The following TRAPPC8 variants were observed in gnomAD, a reference collection of about 807,000 sequenced individuals.
TRAPPC8 encodes the protein trafficking protein particle complex subunit 8.
Under a neutral mutation model 174.3 loss-of-function variants are expected in TRAPPC8, and 54 were observed. The ratio of observed to expected loss-of-function variants is 0.31; its 90% CI spans 0.25 to 0.39. TRAPPC8 has a LOEUF of 0.39. Ranked by LOEUF, TRAPPC8 falls within the 10% of genes least tolerant of loss-of-function variation. TRAPPC8 has a pLI of 1.00. For missense variants in TRAPPC8, 1,531 were observed against 1,699.1 expected (o/e 0.90, Z 1.74); for synonymous variants, 630 against 579.9 (o/e 1.09, Z -1.24).
At chr18:31,878,216 G>T (rs536596833) in intron 12 of TRAPPC8, among the ~76,000 whole-genome samples, 1 of 152,256 alleles carries the variant, frequency 6.6e-6, no homozygotes, top group South Asian at 2.1e-4. Context: ...CTCAGGATGA[G>T]CAACTGGTGC....
chr18:31,928,336 TACACAC>T (rs34570497), intron 2 of TRAPPC8, among the ~76,000 whole-genome samples: 5,343 of 142,930 alleles, frequency 0.037, 190 homozygotes, highest in African/African-American at 0.094. Flanking sequence ...ACCTTATCTC[TACACAC>T]ACACACACAC....
intron 26 of TRAPPC8, among the ~76,000 whole-genome samples, chr18:31,843,782 C>A (rs116022073): frequency 3.9e-5 from 6 of 152,114 alleles, no homozygotes; most frequent in Non-Finnish European, 8.8e-5. Flanking sequence ...GGGGGATAGA[C>A]GGAACAATGT....
Position 31,870,430 on chromosome 18 carries a change from A to T in TRAPPC8, c.2330T>A (p.Leu777His). ...GAAATCTTTAGGATGAAACTTCCAA[A>T]GCAATGACAAATCAGTCAACAAAAG... Reference protein sequence around the residue: ...VLLLLTDLSLLWKFHPKDFSG... With the variant: ...VLLLLTDLSLHWKFHPKDFSG... Residue 777 changes from leucine (L) to histidine (H), a missense_variant, in exon 16 of 29, where the codon CTT becomes CAT. By Grantham distance (99) the Leu-to-His change is moderately conservative. Transcript: ENST00000283351. 6.2e-7 allele frequency: 1 copy of T among 1,613,408 alleles called. No homozygotes were observed. Among genetic ancestry groups the T allele is most frequent in the Non-Finnish European group, 8.5e-7 (1 of 1,179,628 alleles).
chr18:31,871,077 A>G lies in TRAPPC8; in HGVS notation c.2106T>C (p.Tyr702=), dbSNP rs1240849930. ...GCCACTGCTGAGAGGATTCAGAATCATATTCTTGATCAAGACTTACATGAG... is the reference window on the plus strand; with the variant it reads ...GCCACTGCTGAGAGGATTCAGAATCGTATTCTTGATCAAGACTTACATGAG... ...AATHVSLDQE[Y]DSESSQQWRE... is the part of the protein sequence containing the mutation. The change falls in exon 15 of 29, where the codon TAT becomes TAC. Residue 702 remains tyrosine (Y), a synonymous_variant. Coordinates refer to ENST00000283351, the MANE Select transcript of TRAPPC8 (RefSeq NM_014939.5). 6.3e-7 allele frequency: 1 copy of G among 1,599,340 alleles called. No individual in the cohort carries two copies. Among genetic ancestry groups the G allele is most frequent in the Non-Finnish European group, 8.5e-7 (1 of 1,171,152 alleles).
In TRAPPC8 at chr18:31,875,085, A is replaced by C. The variant is rs571565772; in HGVS notation, c.1729-381T>G. 2.6e-5 allele frequency among the ~76,000 whole-genome samples: 4 copies of C among 152,314 alleles called. No homozygotes were observed. The South Asian group carries it at 8.3e-4, about 32-fold the overall frequency. On this transcript the variant is annotated intron_variant, in intron 12 of 28. Coordinates refer to ENST00000283351, the MANE Select transcript of TRAPPC8 (RefSeq NM_014939.5). ...CTTAAATTCTTTCTGGAAAAAGGCA[A>C]GGGATATGTAAACAAACTTCAACAT...
intron 24 of TRAPPC8, 60 bp from the exon 25 acceptor site, chr18:31,849,799 T>G: frequency 6.8e-7 from 1 of 1,461,730 alleles, no homozygotes; most frequent in East Asian, 2.4e-5. Context: ...CAAAATTTAT[T>G]TTGTATAACT....
chr18:31,885,504 T>A (rs1246199727), intron 12 of TRAPPC8, among the ~76,000 whole-genome samples: 2 of 132,416 alleles, frequency 1.5e-5, no homozygotes, highest in Non-Finnish European at 3.4e-5. Context: ...TCAATGCCAA[T>A]TTTTTTTTAC....
At chr18:31,882,647 C>T (rs574680265) in intron 12 of TRAPPC8, among the ~76,000 whole-genome samples, 15 of 151,964 alleles carry the variant, frequency 9.9e-5, no homozygotes, top group African/African-American at 3.6e-4. Flanking sequence ...GACAGAGTCT[C>T]GCTCTGTCGC....
intron 12 of TRAPPC8, among the ~76,000 whole-genome samples, chr18:31,880,627 T>C (rs1428214635): frequency 6.6e-6 from 1 of 152,042 alleles, no homozygotes; most frequent in Non-Finnish European, 1.5e-5. Context: ...CCACTTCTAT[T>C]CAACATAGTA....
intron 11 of TRAPPC8, among the ~76,000 whole-genome samples, chr18:31,892,041 A>G (rs1049163799): frequency 6.6e-6 from 1 of 152,372 alleles, no homozygotes; most frequent in East Asian, 1.9e-4. Context: ...TGGTTCTTAA[A>G]AACGGGTTTG....
chr18:31,939,633 T>G (rs2038245992), intron 1 of TRAPPC8: 1 of 152,138 alleles, frequency 6.6e-6, no homozygotes, highest in South Asian at 2.1e-4. Context: ...ACTCCTTCAC[T>G]AGGCTGGACG....
At chr18:31,841,281 T>C (rs1375856622) in intron 26 of TRAPPC8, among the ~76,000 whole-genome samples, 1 of 152,150 alleles carries the variant, frequency 6.6e-6, no homozygotes, top group Admixed American at 6.5e-5. Flanking sequence ...TATATTTGTT[T>C]TTTTTGTTTT....
intron 2 of TRAPPC8, among the ~76,000 whole-genome samples, chr18:31,923,498 C>T (rs1370503368): frequency 6.6e-6 from 1 of 152,020 alleles, no homozygotes; most frequent in African/African-American, 2.4e-5. Context: ...ATTTCTTTAA[C>T]AGAATGAATG....
intron 19 of TRAPPC8, among the ~76,000 whole-genome samples, chr18:31,860,015 CAA>C (rs34008216): frequency 1.4e-5 from 2 of 137,998 alleles, no homozygotes; most frequent in Non-Finnish European, 1.6e-5. Flanking sequence ...GACTCCGTCT[CAA>C]AAAAAAAAAA....
At chr18:31,912,687 T>A (rs1258151695) in intron 5 of TRAPPC8, among the ~76,000 whole-genome samples, 2 of 150,422 alleles carry the variant, frequency 1.3e-5, no homozygotes, top group African/African-American at 4.9e-5. Flanking sequence ...AAAAGAAAAA[T>A]GTAGGGAGCA....
chr18:31,916,900 T>C (rs952580921), intron 3 of TRAPPC8, among the ~76,000 whole-genome samples: 2 of 142,278 alleles, frequency 1.4e-5, no homozygotes, highest in Admixed American at 1.4e-4. Context: ...AAGCACAAAA[T>C]AATTTCTCCA....
At chr18:31,883,298 A>G (rs1014358228) in intron 12 of TRAPPC8, 1 of 152,120 alleles carries the variant, frequency 6.6e-6, no homozygotes, top group Admixed American at 6.6e-5. Flanking sequence ...GACAGAAAAG[A>G]TGACCAAAAA....
At chr18:31,869,651 T>A (rs974063404) in intron 16 of TRAPPC8, among the ~76,000 whole-genome samples, 3 of 152,096 alleles carry the variant, frequency 2.0e-5, no homozygotes, top group African/African-American at 7.2e-5. Context: ...AGCTTATGAA[T>A]CACTCATATG....
At position 31,913,480 on chromosome 18, in the gene TRAPPC8, A is replaced by G. The variant is rs1158679389; in HGVS notation, c.660T>C (p.Thr220=). The G allele has an allele frequency of 1.2e-6, 2 of 1,608,292 alleles. No homozygotes were observed. The highest frequency in any genetic ancestry group is 1.3e-5 in the African/African-American group (1 of 74,738). The change falls in exon 5 of 29, where the codon ACT becomes ACC. Residue 220 remains threonine, a synonymous_variant. Transcript: ENST00000283351. ...TAATTTTAAGTAAATAGCAACCCTGAGTTCCATATTTCTGTTTCATTTCTT... is the reference window on the plus strand; with the variant it reads ...TAATTTTAAGTAAATAGCAACCCTGGGTTCCATATTTCTGTTTCATTTCTT... The part of the protein sequence containing the change: ...IYEEMKQKYG[T]QGCYLLKINS...
Sources: gnomAD v4.1 joint callset for allele counts (sites outside exome capture counted in the v4.1 genomes callset) on GRCh38, gnomAD v4.1.1 for gene constraint, MANE v1.5 for transcripts, NCBI Gene and HGNC (gene_info 2026-07-23, HGNC 2026-07-21) for gene names.